Variants in NUP153 observed in about 807,000 individuals in gnomAD.
NUP153 encodes the protein nuclear pore complex protein Nup153.
NUP153 carries 27 observed loss-of-function variants against 134.6 expected under a neutral mutation model. That is an observed-to-expected ratio of 0.20 (90% CI 0.15 to 0.28). NUP153 has a LOEUF of 0.28. NUP153 is among the 10% of genes least tolerant of loss of function. NUP153 has a pLI of 1.00. For missense variants in NUP153, 1,821 were observed against 1,731.3 expected, an observed-to-expected ratio of 1.05 and a Z score of -0.92; for synonymous variants, 640 against 623.5, an observed-to-expected ratio of 1.03 and a Z score of -0.40.
rs1479524755 is a variant in NUP153, at chr6:17,625,414, C to T, written c.3901+394G>A. ...GTGTGGTGGCGGGCACCTGTAATCC[C>T]AGCTACTCAGGAGGCTGAGGCAGGA... is the stretch of plus-strand genomic sequence containing the variant. On this transcript the variant is annotated intron_variant, in intron 19 of 21. Coordinates refer to ENST00000262077, the MANE Select transcript of NUP153 (RefSeq NM_005124.4). The surrounding 1 kb of genome is among the most constrained non-coding windows in gnomAD (Gnocchi z 4.7). 6.6e-6 allele frequency among the ~76,000 whole-genome samples: 1 copy of T among 152,082 alleles called. No individual in the cohort carries two copies. The highest frequency in any genetic ancestry group is 1.5e-5 in the Non-Finnish European group (1 of 68,024).
chr6:17,689,446 CAAG>C (rs1769148286), intron 1 of NUP153, among the ~76,000 whole-genome samples: 2 of 151,476 alleles, frequency 1.3e-5, no homozygotes, highest in Admixed American at 6.6e-5. Context: ...AAAATAAACT[CAAG>C]AAACAATCTA....
chr6:17,643,654 T>C (rs1235046675), intron 14 of NUP153, among the ~76,000 whole-genome samples: 2 of 152,204 alleles, frequency 1.3e-5, no homozygotes, highest in Non-Finnish European at 2.9e-5. Flanking sequence ...AATGGAAAAC[T>C]TAGCTCCTGT....
At chr6:17,683,515 T>A (rs1055914819) in intron 2 of NUP153, among the ~76,000 whole-genome samples, 3 of 152,216 alleles carry the variant, frequency 2.0e-5, no homozygotes, top group Admixed American at 6.5e-5. Flanking sequence ...GCAAAGAATC[T>A]TTTTGTCCCC....
At chr6:17,616,924 TG>T (rs1764364670) in intron 20 of NUP153, among the ~76,000 whole-genome samples, 2 of 152,104 alleles carry the variant, frequency 1.3e-5, no homozygotes, top group Admixed American at 6.5e-5. Flanking sequence ...GCTAATTTTT[TG>T]TATTTTAGTA....
At chr6:17,670,638 T>C (rs1159778814) in intron 5 of NUP153, among the ~76,000 whole-genome samples, 1 of 152,196 alleles carries the variant, frequency 6.6e-6, no homozygotes, top group African/African-American at 2.4e-5. Flanking sequence ...TGTTGCCAGA[T>C]GATTTTTTTG....
At chr6:17,634,251 CCTT>C (rs1458035146) in intron 16 of NUP153, among the ~76,000 whole-genome samples, 1 of 152,070 alleles carries the variant, frequency 6.6e-6, no homozygotes, top group African/African-American at 2.4e-5. Context: ...TCTGGTTGCA[CCTT>C]TTTAAAAGAT....
At chr6:17,626,449 C>T (rs1764953774) in intron 18 of NUP153, among the ~76,000 whole-genome samples, 1 of 152,172 alleles carries the variant, frequency 6.6e-6, no homozygotes, top group Non-Finnish European at 1.5e-5. Context: ...TAACTGGATA[C>T]TGTAGTTGAA....
At chr6:17,682,520 C>T (rs895556994) in intron 2 of NUP153, among the ~76,000 whole-genome samples, 3 of 152,192 alleles carry the variant, frequency 2.0e-5, no homozygotes, top group Non-Finnish European at 4.4e-5. Context: ...TCAATCCTCT[C>T]AAATTTCGCT....
intron 1 of NUP153, among the ~76,000 whole-genome samples, chr6:17,699,399 C>T (rs1377586150): frequency 1.3e-5 from 2 of 149,192 alleles, no homozygotes; most frequent in African/African-American, 4.9e-5. Context: ...AGGAGAATTG[C>T]TTGAACCTGG....
In NUP153 at chr6:17,632,827, A is replaced by T. The variant is rs1402450705; in HGVS notation, c.2482T>A (p.Ser828Thr). ...SEKPGSSVPA[S>T]SSSTVPVSLP... Reference sequence around the variant, plus strand: ...GAGACAGGTACAGTGCTGCTACTTGAAGCAGGTACTGAACTTCCTAAAAAA... The same window carrying T: ...GAGACAGGTACAGTGCTGCTACTTGTAGCAGGTACTGAACTTCCTAAAAAA... Residue 828 changes from serine (S) to threonine (T), a missense_variant, in exon 17 of 22, where the codon TCA (serine) becomes ACA (threonine). By Grantham distance (58) the Ser-to-Thr change is moderately conservative. Coordinates refer to ENST00000262077, the MANE Select transcript of NUP153 (RefSeq NM_005124.4). The T allele has an allele frequency of 3.0e-6, 4 of 1,350,204 alleles. No homozygotes were observed. The highest frequency in any genetic ancestry group is 4.1e-6 in the Non-Finnish European group (4 of 983,714). The allele number at this position is 1,350,204 out of a possible 1,614,324, so 83.6% of individuals were successfully genotyped here.
rs1175676011 is a variant in NUP153, at chr6:17,675,497, A to C, written c.583+25T>G. The C allele has an allele frequency of 6.2e-7, 1 of 1,611,758 alleles. No homozygotes were observed. Among genetic ancestry groups the C allele is most frequent in the East Asian group, 2.2e-5 (1 of 44,852 alleles). ...AAAATTTAATGTTACTACCCAAATT[A>C]TGTACTACCACATGTCAAGAATACC... On this transcript the variant is annotated intron_variant, in intron 3 of 21. Transcript: ENST00000262077. This position sits in a 1 kb window ranked among gnomAD's most constrained non-coding sequence, Gnocchi z 4.4.
At chr6:17,641,655 C>T (rs1765847436) in intron 14 of NUP153, among the ~76,000 whole-genome samples, 1 of 152,122 alleles carries the variant, frequency 6.6e-6, no homozygotes, top group Non-Finnish European at 1.5e-5. Context: ...AGATCGAGAC[C>T]ACCCAGGCTA....
chr6:17,619,889 G>A (rs1403421321), intron 20 of NUP153, among the ~76,000 whole-genome samples: 1 of 152,042 alleles, frequency 6.6e-6, no homozygotes, highest in East Asian at 1.9e-4. Context: ...CCTGAGGTCA[G>A]GAGTTCGAGA....
intron 20 of NUP153, among the ~76,000 whole-genome samples, chr6:17,622,286 CAAACCACGCCCCCCTCCA>C (rs1764681657): frequency 6.6e-6 from 1 of 152,110 alleles, no homozygotes; most frequent in South Asian, 2.1e-4. Context: ...CCTGTCTCTA[CAAACCACGCCCCCCTCCA>C]AAAATGAAAC....
At chr6:17,688,129 AAAAG>A (rs1393286007) in intron 2 of NUP153, among the ~76,000 whole-genome samples, 2 of 152,170 alleles carry the variant, frequency 1.3e-5, no homozygotes, top group African/African-American at 4.8e-5. Context: ...AAAAACAAAA[AAAAG>A]AAAGAAAAAA....
chr6:17,682,363 T>C (rs1768638240), intron 2 of NUP153, among the ~76,000 whole-genome samples: 1 of 152,160 alleles, frequency 6.6e-6, no homozygotes. Context: ...TGATGAGTAG[T>C]GAAGGCTGGG....
rs777435055 is a variant in NUP153 at position 17,706,292 on chromosome 6, C to T, written c.96G>A (p.Gly32=). Residue 32 remains glycine (G), a synonymous_variant, in exon 1 of 22, where the codon GGG becomes GGA. Coordinates refer to ENST00000262077, the MANE Select transcript of NUP153 (RefSeq NM_005124.4). The surrounding 1 kb of genome is among the most constrained non-coding windows in gnomAD (Gnocchi z 5.9). ...HQGPIKPYQQ[G]RQQHQGILSR... ...GGTCCCATACCTGATGCTGTTGTCGCCCCTGCTGGTAAGGCTTAATTGGCC... is the reference window on the plus strand; with the variant it reads ...GGTCCCATACCTGATGCTGTTGTCGTCCCTGCTGGTAAGGCTTAATTGGCC... 5.6e-6 allele frequency: 9 copies of T among 1,613,344 alleles called. No individual in the cohort carries two copies. Among genetic ancestry groups the T allele is most frequent in the Non-Finnish European group, 7.6e-6 (9 of 1,179,580 alleles).
chr6:17,701,248 C>T (rs1025434996), intron 1 of NUP153, among the ~76,000 whole-genome samples: 6 of 149,562 alleles, frequency 4.0e-5, no homozygotes, highest in East Asian at 4.0e-4. Flanking sequence ...AAGCTAAATG[C>T]GCCAGGTGCA....
chr6:17,637,072 C>T lies in NUP153; in HGVS notation c.2464+81G>A, dbSNP rs182664008. 157 of 1,361,374 alleles carry T rather than the reference C, an allele frequency of 1.2e-4. No homozygotes were observed. The African/African-American group carries it at 1.5e-3, about 13-fold the overall frequency. The allele number at this position is 1,361,374 out of a possible 1,614,324, so 84.3% of individuals were successfully genotyped here. On this transcript the variant is annotated intron_variant, in intron 16 of 21. Coordinates refer to ENST00000262077, the MANE Select transcript of NUP153 (RefSeq NM_005124.4). ...ATGAGAAATGCTCATCCTGAAACAT[C>T]TAAAACAAGGATTCTTAGAATAAAT... is the stretch of plus-strand genomic sequence containing the variant.
Sources: allele counts gnomAD v4.1 joint callset (sites outside exome capture counted in the v4.1 genomes callset), GRCh38; gene constraint gnomAD v4.1.1; non-coding constraint Gnocchi (gnomAD v3.1); transcripts MANE v1.5; gene names NCBI Gene and HGNC (gene_info 2026-07-23, HGNC 2026-07-21).